The following ARL15 variants were observed in gnomAD, a reference collection of about 807,000 sequenced individuals.
ARL15 encodes ADP-ribosylation factor-like protein 15.
In ARL15, 19 loss-of-function variants were observed where a neutral mutation model predicts 25.2. The observed-to-expected ratio is 0.75, with a 90% CI of 0.53 to 1.10. ARL15 has a LOEUF of 1.10. Among genes scored for constraint, ARL15 ranks in the 50% least tolerant of loss-of-function variants. The pLI is 0.00. For missense variants in ARL15, 220 were observed against 246.0 expected, an observed-to-expected ratio of 0.89 and a Z score of 0.71; for synonymous variants, 94 against 86.8, an observed-to-expected ratio of 1.08 and a Z score of -0.46.
At chr5:54,202,027 G>C (rs930996645) in intron 1 of ARL15, among the ~76,000 whole-genome samples, 1 of 152,032 alleles carries the variant, frequency 6.6e-6, no homozygotes, top group Non-Finnish European at 1.5e-5. Context: ...AAATAAATTC[G>C]AAATTTGACA....
chr5:53,966,872 T>C (rs988300863), intron 4 of ARL15, among the ~76,000 whole-genome samples: 1 of 152,204 alleles, frequency 6.6e-6, no homozygotes. Context: ...AGAAACTAGA[T>C]GTACAAGTAC....
intron 4 of ARL15, among the ~76,000 whole-genome samples, chr5:53,986,151 T>A (rs2111627170): frequency 6.6e-6 from 1 of 152,316 alleles, no homozygotes; most frequent in South Asian, 2.1e-4. Flanking sequence ...CTATCTACCT[T>A]CTTTCGGCCC....
intron 1 of ARL15, among the ~76,000 whole-genome samples, chr5:54,294,584 C>A (rs1425883670): frequency 6.6e-6 from 1 of 152,218 alleles, no homozygotes; most frequent in Admixed American, 6.5e-5. Flanking sequence ...TACTTTAAAA[C>A]CTGACAGATC....
At chr5:54,205,131 AC>A (rs1755832727) in intron 1 of ARL15, among the ~76,000 whole-genome samples, 1 of 151,954 alleles carries the variant, frequency 6.6e-6, no homozygotes, top group East Asian at 1.9e-4. Context: ...CCTTGGTTGC[AC>A]ACTCCTCAAA....
At chr5:54,233,250 CCTAA>C (rs1476363192) in intron 1 of ARL15, among the ~76,000 whole-genome samples, 8 of 152,260 alleles carry the variant, frequency 5.3e-5, no homozygotes, top group Non-Finnish European at 8.8e-5. Flanking sequence ...TACTCGTGAA[CCTAA>C]CTAACTTCTC....
intron 3 of ARL15, among the ~76,000 whole-genome samples, chr5:54,135,732 G>GATTTGAAAAC: frequency 6.6e-6 from 1 of 152,324 alleles, no homozygotes; most frequent in East Asian, 1.9e-4. Flanking sequence ...ACATGCCAGA[G>GATTTGAAAAC]ATTTGAAAAC....
chr5:54,230,141 G>C (rs1279622725), intron 1 of ARL15, among the ~76,000 whole-genome samples: 5 of 152,026 alleles, frequency 3.3e-5, no homozygotes, highest in African/African-American at 1.2e-4. Context: ...CACAAGGTCA[G>C]GAGTTCAAGA....
intron 4 of ARL15, among the ~76,000 whole-genome samples, chr5:53,995,008 A>G (rs372855882): frequency 5.3e-4 from 81 of 152,220 alleles, no homozygotes; most frequent in South Asian, 4.8e-3. Flanking sequence ...GTGCCAAGAC[A>G]TTCTTTAAAA....
chr5:54,255,814 A>AT (rs1237075752), intron 1 of ARL15, among the ~76,000 whole-genome samples: 1 of 152,198 alleles, frequency 6.6e-6, no homozygotes, highest in African/African-American at 2.4e-5. Context: ...CTCCTCCTGA[A>AT]TGATTTTTGG....
At chr5:54,303,844 T>C (rs35447611) in intron 1 of ARL15, among the ~76,000 whole-genome samples, 25,376 of 151,902 alleles carry the variant, frequency 0.17, 2,705 homozygotes, top group Non-Finnish European at 0.24. Context: ...ACTAGGGGGC[T>C]GAGTAAGGAG....
chr5:54,181,856 T>G (rs968297322), intron 1 of ARL15, among the ~76,000 whole-genome samples: 1 of 151,054 alleles, frequency 6.6e-6, no homozygotes, highest in Non-Finnish European at 1.5e-5. Context: ...TGGTGTGAGA[T>G]GATATCTCAT....
chr5:54,053,734 C>T (rs1750772074), intron 4 of ARL15, among the ~76,000 whole-genome samples: 1 of 152,116 alleles, frequency 6.6e-6, no homozygotes, highest in Admixed American at 6.5e-5. Context: ...CTGACCAGTA[C>T]ACCTCAAAAC....
chr5:54,063,652 T>C (rs1751132937), intron 4 of ARL15, among the ~76,000 whole-genome samples: 1 of 152,204 alleles, frequency 6.6e-6, no homozygotes, highest in African/African-American at 2.4e-5. Context: ...TGTTATTATG[T>C]TTCACTTGAA....
chr5:53,931,999 G>A (rs1468694430), intron 4 of ARL15, among the ~76,000 whole-genome samples: 2 of 152,160 alleles, frequency 1.3e-5, no homozygotes, highest in South Asian at 2.1e-4. Flanking sequence ...CTGGCCTTAC[G>A]CGGCAACTCA....
intron 1 of ARL15, among the ~76,000 whole-genome samples, chr5:54,182,692 T>C (rs370180926): frequency 1.1e-3 from 167 of 151,966 alleles, no homozygotes; most frequent in African/African-American, 4.0e-3. Context: ...GAAGAAAGTC[T>C]TTGGTAGCTT....
chr5:54,112,437 A>G (rs1341682770), intron 4 of ARL15, among the ~76,000 whole-genome samples: 2 of 152,164 alleles, frequency 1.3e-5, no homozygotes, highest in African/African-American at 2.4e-5. Flanking sequence ...GAAGCATGCA[A>G]TTTTCTGAAG....
intron 4 of ARL15, among the ~76,000 whole-genome samples, chr5:54,079,796 C>T (rs1751729714): frequency 2.0e-5 from 3 of 151,926 alleles, no homozygotes; most frequent in Admixed American, 2.0e-4. Context: ...ATGGTGAAAC[C>T]CCATCTCTAC....
chr5:54,209,443 C>A (rs948705197), intron 1 of ARL15, among the ~76,000 whole-genome samples: 2 of 151,860 alleles, frequency 1.3e-5, no homozygotes, highest in Non-Finnish European at 2.9e-5. Context: ...AGAAGTTCAC[C>A]ATTGACCACT....
At chr5:53,953,880 A>G (rs1747055853) in intron 4 of ARL15, among the ~76,000 whole-genome samples, 1 of 152,224 alleles carries the variant, frequency 6.6e-6, no homozygotes, top group African/African-American at 2.4e-5. Flanking sequence ...TGAATTATCT[A>G]TGATCACTTA....
Sources: gnomAD v4.1 joint callset for allele counts (sites outside exome capture counted in the v4.1 genomes callset) on GRCh38, gnomAD v4.1.1 for gene constraint, MANE v1.5 for transcripts, NCBI Gene and HGNC (gene_info 2026-07-23, HGNC 2026-07-21) for gene names.